The following OXR1 variants were observed in gnomAD, a reference collection of about 807,000 sequenced individuals.
The protein encoded by OXR1 is oxidation resistance protein 1.
OXR1 carries 41 observed loss-of-function variants against 104.6 expected under a neutral mutation model. That is an observed-to-expected ratio of 0.39 (90% confidence interval 0.31 to 0.51). The LOEUF (loss-of-function observed/expected upper bound fraction) is 0.51. Ranked by LOEUF, OXR1 falls within the 20% of genes least tolerant of loss-of-function variation. The pLI is 0.77. For synonymous variants in OXR1, 348 were observed against 348.4 expected, an observed-to-expected ratio of 1.00 and a Z score of 0.01; for missense variants, 955 against 1,031.9, an observed-to-expected ratio of 0.93 and a Z score of 1.02.
chr8:106,357,200 A>ATC (rs1023890107), intron 1 of OXR1, among the ~76,000 whole-genome samples: 2 of 150,048 alleles, frequency 1.3e-5, no homozygotes, highest in African/African-American at 5.0e-5. Context: ...ATATGTGTAT[A>ATC]TATGTGTGTG....
At chr8:106,570,964 C>A (rs2130559565) in intron 3 of OXR1, among the ~76,000 whole-genome samples, 1 of 152,038 alleles carries the variant, frequency 6.6e-6, no homozygotes, top group South Asian at 2.1e-4. Context: ...GGGGTCATGC[C>A]AATTAGCTTA....
At chr8:106,301,008 A>T (rs1813213538) in intron 1 of OXR1, among the ~76,000 whole-genome samples, 1 of 152,164 alleles carries the variant, frequency 6.6e-6, no homozygotes, top group Non-Finnish European at 1.5e-5. Flanking sequence ...AGTGACTCAA[A>T]CCCATATGTT....
At chr8:106,562,283 C>T (rs1445778151) in intron 3 of OXR1, among the ~76,000 whole-genome samples, 1 of 151,988 alleles carries the variant, frequency 6.6e-6, no homozygotes, top group East Asian at 2.0e-4. Flanking sequence ...ATATAAATGA[C>T]CTGATAGAGC....
chr8:106,616,563 T>C (rs1821257014), intron 3 of OXR1, among the ~76,000 whole-genome samples: 1 of 152,194 alleles, frequency 6.6e-6, no homozygotes, highest in South Asian at 2.1e-4. Flanking sequence ...CCAATTTATA[T>C]CATTTTCCTG....
At chr8:106,593,415 A>G (rs997525243) in intron 3 of OXR1, among the ~76,000 whole-genome samples, 8 of 152,252 alleles carry the variant, frequency 5.3e-5, no homozygotes, top group Non-Finnish European at 1.5e-5. Context: ...TGCATCCGAA[A>G]CAGCACATCA....
intron 3 of OXR1, among the ~76,000 whole-genome samples, chr8:106,615,009 G>T (rs542544152): frequency 1.3e-5 from 2 of 152,254 alleles, no homozygotes; most frequent in South Asian, 4.1e-4. Context: ...GAGTTTTATT[G>T]TTACATGAAG....
At chr8:106,672,175 G>C (rs975103804) in intron 3 of OXR1, among the ~76,000 whole-genome samples, 6 of 151,802 alleles carry the variant, frequency 4.0e-5, no homozygotes, top group Non-Finnish European at 8.8e-5. Context: ...CAGGTAGACA[G>C]ATAGAAAATA....
chr8:106,523,785 T>A (rs1450113678), intron 3 of OXR1, among the ~76,000 whole-genome samples: 1 of 151,910 alleles, frequency 6.6e-6, no homozygotes, highest in Non-Finnish European at 1.5e-5. Context: ...AAATTTTTTT[T>A]TTTTTTTGAG....
At chr8:106,656,225 T>TA (rs1312014091) in intron 3 of OXR1, 11 of 152,364 alleles carry the variant, frequency 7.2e-5, no homozygotes, top group African/African-American at 2.6e-4. Context: ...TAAAGCACCA[T>TA]AGACTGACTG....
chr8:106,580,622 A>AT (rs1818160521), intron 3 of OXR1, among the ~76,000 whole-genome samples: 2 of 152,014 alleles, frequency 1.3e-5, no homozygotes, highest in Non-Finnish European at 2.9e-5. Flanking sequence ...GTATTTATTT[A>AT]TTTTTTTAAT....
chr8:106,575,079 A>G (rs1212995066), intron 3 of OXR1, among the ~76,000 whole-genome samples: 1 of 152,122 alleles, frequency 6.6e-6, no homozygotes, highest in Non-Finnish European at 1.5e-5. Flanking sequence ...GTGATTCTCA[A>G]TATCATTTTA....
chr8:106,341,818 G>C (rs1168936364), intron 1 of OXR1, among the ~76,000 whole-genome samples: 1 of 151,150 alleles, frequency 6.6e-6, no homozygotes, highest in Non-Finnish European at 1.5e-5. Flanking sequence ...CTCAGAGGAG[G>C]TTTTCTCCTC....
intron 1 of OXR1, among the ~76,000 whole-genome samples, chr8:106,316,691 TTCTATCTA>T (rs10610619): frequency 7.6e-5 from 10 of 132,298 alleles, no homozygotes; most frequent in African/African-American, 1.8e-4. Flanking sequence ...CTCTCTTTTT[TTCTATCTA>T]TCTATCTATC....
intron 3 of OXR1, among the ~76,000 whole-genome samples, chr8:106,526,894 A>T (rs967464160): frequency 1.6e-4 from 25 of 152,290 alleles, no homozygotes; most frequent in African/African-American, 6.0e-4. Flanking sequence ...AGAGGGAAGG[A>T]GAAAATTAGC....
chr8:106,445,650 A>G (rs1247884363), intron 2 of OXR1, among the ~76,000 whole-genome samples: 1 of 152,212 alleles, frequency 6.6e-6, no homozygotes, highest in African/African-American at 2.4e-5. Flanking sequence ...CTTTTTAAGT[A>G]TACTCTAGAT....
At chr8:106,507,321 A>G (rs1812233766) in intron 2 of OXR1, among the ~76,000 whole-genome samples, 1 of 152,168 alleles carries the variant, frequency 6.6e-6, no homozygotes, top group Non-Finnish European at 1.5e-5. Context: ...CCATTTTACA[A>G]ATGAGGAAAC....
intron 3 of OXR1, among the ~76,000 whole-genome samples, chr8:106,534,579 A>G (rs1814340328): frequency 6.6e-6 from 1 of 152,146 alleles, no homozygotes; most frequent in Admixed American, 6.5e-5. Context: ...TGAAAATAAC[A>G]CAGGTTCAGA....
At chr8:106,467,335 G>T (rs1047097131) in intron 2 of OXR1, among the ~76,000 whole-genome samples, 1 of 151,764 alleles carries the variant, frequency 6.6e-6, no homozygotes, top group Non-Finnish European at 1.5e-5. Context: ...TGACTATATT[G>T]ACTGAACTTG....
chr8:106,583,129 A>G (rs180878198), intron 3 of OXR1, among the ~76,000 whole-genome samples: 304 of 152,296 alleles, frequency 2.0e-3, no homozygotes, highest in African/African-American at 6.8e-3. Context: ...TGAATTAGAA[A>G]GTATAGTTTT....
Sources: gnomAD v4.1 joint callset for allele counts (sites outside exome capture counted in the v4.1 genomes callset) on GRCh38, gnomAD v4.1.1 for gene constraint, MANE v1.5 for transcripts, NCBI Gene and HGNC (gene_info 2026-07-23, HGNC 2026-07-21) for gene names.